HDAC9: variants seen among roughly 807,000 people sequenced by gnomAD.
HDAC9 encodes the protein histone deacetylase 9, also known as MEF-2 interacting transcription repressor (MITR) protein.
A neutral mutation model predicts 139.4 loss-of-function variants in HDAC9; 41 were observed. The observed-to-expected ratio is 0.29, with a 90% confidence interval of 0.23 to 0.38. HDAC9 has a LOEUF of 0.38. Ranked by LOEUF, HDAC9 falls within the 10% of genes least tolerant of loss-of-function variation. The pLI is 1.00. For missense variants in HDAC9, 1,147 were observed against 1,297.0 expected (o/e 0.88, Z 1.78); for synonymous variants, 517 against 476.2 (o/e 1.09, Z -1.12).
intron 1 of HDAC9, among the ~76,000 whole-genome samples, chr7:18,324,167 G>A (rs1800256863): frequency 6.6e-6 from 1 of 152,062 alleles, no homozygotes; most frequent in African/African-American, 2.4e-5. Context: ...AAAGTGGAGG[G>A]GAGTCAAAGA....
intron 16 of HDAC9, among the ~76,000 whole-genome samples, chr7:18,776,749 T>C (rs924527092): frequency 1.3e-5 from 2 of 151,880 alleles, no homozygotes; most frequent in African/African-American, 2.4e-5. Flanking sequence ...CCTGGTTTCT[T>C]GTGGTGACTG....
In HDAC9 at chr7:18,935,951, G is replaced by A; in HGVS notation, c.2937+9G>A. ...CCCTTCTAGGAAATGAGGTAAAAAA[G>A]TAAAAGTACAAAGGGGCAGGGGTAA... On this transcript the variant is annotated intron_variant, in intron 23 of 25. Transcript: ENST00000686413. The A allele has an allele frequency of 6.2e-7, 1 of 1,610,770 alleles. No individual in the cohort carries two copies. The highest frequency in any genetic ancestry group is 1.1e-5 in the South Asian group (1 of 90,722).
chr7:18,628,572 G>T (rs556166536), intron 6 of HDAC9, among the ~76,000 whole-genome samples: 1 of 152,098 alleles, frequency 6.6e-6, no homozygotes, highest in Non-Finnish European at 1.5e-5. Flanking sequence ...TTTGAAATAA[G>T]TGGTATTATT....
intron 1 of HDAC9, among the ~76,000 whole-genome samples, chr7:18,377,462 A>G (rs1486772380): frequency 6.6e-6 from 1 of 152,208 alleles, no homozygotes; most frequent in Admixed American, 6.5e-5. Context: ...CATATTAACT[A>G]CTGATTTAGG....
intron 1 of HDAC9, among the ~76,000 whole-genome samples, chr7:18,386,045 T>C (rs988113779): frequency 1.3e-5 from 2 of 152,220 alleles, no homozygotes; most frequent in Non-Finnish European, 2.9e-5. Flanking sequence ...TCATTTTCTA[T>C]TTCTTCTGAT....
chr7:18,640,889 C>G (rs1408596064), intron 8 of HDAC9, among the ~76,000 whole-genome samples: 1 of 152,000 alleles, frequency 6.6e-6, no homozygotes, highest in African/African-American at 2.4e-5. Flanking sequence ...GCCCATCATC[C>G]TACAGCTTAA....
chr7:18,109,999 A>G (rs1229934017), intron 1 of HDAC9, among the ~76,000 whole-genome samples: 1 of 152,162 alleles, frequency 6.6e-6, no homozygotes, highest in Non-Finnish European at 1.5e-5. Context: ...TCTGCTCAGA[A>G]TGATGTTTTT....
chr7:18,701,577 C>A (rs1475132460), intron 12 of HDAC9, among the ~76,000 whole-genome samples: 1 of 152,102 alleles, frequency 6.6e-6, no homozygotes, highest in Non-Finnish European at 1.5e-5. Context: ...CCATATGTTG[C>A]ATATTTTTAA....
chr7:18,690,144 C>G (rs185999845), intron 12 of HDAC9, among the ~76,000 whole-genome samples: 1 of 151,922 alleles, frequency 6.6e-6, no homozygotes, highest in Non-Finnish European at 1.5e-5. Context: ...ACCCTTTTTG[C>G]AAGAGCCCCC....
chr7:18,727,895 T>C lies in HDAC9; in HGVS notation c.1909+138T>C, dbSNP rs188621466. 1.4e-5 allele frequency: 8 copies of C among 578,858 alleles called. No individual in the cohort carries two copies. In the East Asian group the frequency reaches 2.8e-4, roughly 20 times the overall value. 35.9% of individuals were successfully genotyped at this position (578,858 alleles called of 1,614,324 possible). On this transcript the variant is annotated intron_variant, in intron 13 of 25. Transcript: ENST00000686413. ...CCAGTGCAACCCAAATTTTACGAGG[T>C]TATATTGGCTATAAGACAAACAGCA...
At chr7:18,786,720 G>A (rs1791830314) in intron 16 of HDAC9, among the ~76,000 whole-genome samples, 1 of 127,250 alleles carries the variant, frequency 7.9e-6, no homozygotes, top group Non-Finnish European at 1.6e-5. Context: ...GGTTTCTGTT[G>A]CATGCGCCTC....
intron 9 of HDAC9, among the ~76,000 whole-genome samples, chr7:18,645,457 AAGG>A (rs1416299579): frequency 6.6e-5 from 10 of 152,144 alleles, no homozygotes; most frequent in African/African-American, 2.4e-4. Context: ...CTGTTACATG[AAGG>A]CCTAGAAGTG....
intron 1 of HDAC9, among the ~76,000 whole-genome samples, chr7:18,453,692 A>G (rs941153580): frequency 6.6e-6 from 1 of 152,194 alleles, no homozygotes; most frequent in Non-Finnish European, 1.5e-5. Flanking sequence ...TTTGTTTTTC[A>G]TAATTTGTCT....
chr7:18,716,519 T>G (rs1045075560), intron 12 of HDAC9, among the ~76,000 whole-genome samples: 6 of 147,900 alleles, frequency 4.1e-5, no homozygotes, highest in Admixed American at 2.0e-4. Context: ...AGTTGAATTT[T>G]AAACATTTCT....
intron 1 of HDAC9, among the ~76,000 whole-genome samples, chr7:18,465,164 TC>T (rs1794166389): frequency 6.6e-6 from 1 of 152,062 alleles, no homozygotes; most frequent in Non-Finnish European, 1.5e-5. Context: ...TTTAACAAAC[TC>T]TAAAATTTTT....
Position 18,928,557 on chromosome 7 carries a change from A to G in HDAC9, c.2804-7252A>G, listed in dbSNP as rs1804440227. On this transcript the variant is annotated intron_variant, in intron 22 of 25. Transcript: ENST00000686413. ...ACTAGGCTATTATTTGCTATCTTGT[A>G]TATTAAACTAAAAACCTAAAGCACA... Among the ~76,000 whole-genome samples the G allele has an allele frequency of 2.6e-5, 4 of 152,202 alleles. No homozygotes were observed. In the South Asian group the frequency reaches 8.3e-4, roughly 31 times the overall value.
At chr7:18,293,921 T>C (rs1797980246) in intron 1 of HDAC9, among the ~76,000 whole-genome samples, 1 of 152,200 alleles carries the variant, frequency 6.6e-6, no homozygotes, top group Non-Finnish European at 1.5e-5. Context: ...ACATTAGTGC[T>C]TGATTTAAAT....
intron 12 of HDAC9, 142 bp from the exon 13 acceptor site, chr7:18,727,438 T>G: frequency 7.4e-6 from 5 of 671,736 alleles, no homozygotes; most frequent in East Asian, 3.2e-5. Context: ...TTCTCTCCCT[T>G]TCTCTATTTT....
chr7:18,771,055 T>C (rs1000874072), intron 16 of HDAC9, among the ~76,000 whole-genome samples: 1 of 151,942 alleles, frequency 6.6e-6, no homozygotes, highest in Admixed American at 6.6e-5. Flanking sequence ...AGACCCTTGA[T>C]TGGAAGAGGA....
Sources: gnomAD v4.1 joint callset for allele counts (sites outside exome capture counted in the v4.1 genomes callset) on GRCh38, gnomAD v4.1.1 for gene constraint, MANE v1.5 for transcripts, NCBI Gene and HGNC (gene_info 2026-07-23, HGNC 2026-07-21) for gene names.